ABHD5: variants seen among roughly 807,000 people sequenced by gnomAD.
The protein encoded by ABHD5 is 1-acylglycerol-3-phosphate O-acyltransferase ABHD5.
In ABHD5, 30 loss-of-function variants were observed where a neutral mutation model predicts 44.9. The observed-to-expected ratio is 0.67, with a 90% CI of 0.50 to 0.91. ABHD5 has a LOEUF of 0.91. ABHD5 is among the 40% of genes least tolerant of loss of function. ABHD5 has a pLI of 0.00. For synonymous variants in ABHD5, 167 were observed against 147.0 expected, an observed-to-expected ratio of 1.14 and a Z score of -0.99; for missense variants, 399 against 423.4, an observed-to-expected ratio of 0.94 and a Z score of 0.50.
At chr3:43,702,689 A>T (rs1171082456) in intron 3 of ABHD5, 102 bp downstream of exon 3, 3 of 1,570,344 alleles carry the variant, frequency 1.9e-6, no homozygotes, top group Non-Finnish European at 2.6e-6. Context: ...CACAAGGCAG[A>T]CATTCTCTTA....
downstream of ABHD5, among the ~76,000 whole-genome samples, chr3:43,727,709 A>G (rs2084887082): frequency 6.6e-6 from 1 of 152,188 alleles, no homozygotes; most frequent in Non-Finnish European, 1.5e-5. Context: ...CCCGGGTTCA[A>G]GCAGTTCTCC....
chr3:43,720,486 G>A lies in ABHD5; in HGVS notation c.*1954G>A, dbSNP rs1408974136. The A allele has an allele frequency of 4.6e-5, 7 of 152,178 alleles. No homozygotes were observed. Among genetic ancestry groups the A allele is most frequent in the Admixed American group, 4.6e-4 (7 of 15,266 alleles). The allele number at this position is 152,178 out of a possible 1,614,324, so 9.4% of individuals were successfully genotyped here. On this transcript the variant is annotated 3_prime_UTR_variant, in exon 7 of 7. Transcript: ENST00000644371. ...ACTGAATTTGCTTTATTTGAAAGAT[G>A]TTGTAACTCTTTTTAAAGTTAGATT...
chr3:43,698,248 C>G (rs1575599594), intron 1 of ABHD5, among the ~76,000 whole-genome samples: 3 of 152,150 alleles, frequency 2.0e-5, no homozygotes, highest in Admixed American at 2.0e-4. Flanking sequence ...CAAATCCAAC[C>G]TGTTTTCCTT....
At chr3:43,733,154 C>T (rs1007009176) in intron 7 of ABHD5, among the ~76,000 whole-genome samples, 3 of 152,214 alleles carry the variant, frequency 2.0e-5, no homozygotes, top group Non-Finnish European at 4.4e-5. Flanking sequence ...GTTTCATCCA[C>T]ACTCAGGAGC....
rs1176576364 is a variant in ABHD5, at chr3:43,702,311, C to A, written c.230C>A (p.Pro77Gln). ...KFSHNISNKT[P>Q]LVLLHGFGGG... ...TCTCATAATATTTCAAATAAGACTCCACTTGTCCTTCTCCATGGTTTTGGA... is the reference window on the plus strand; with the variant it reads ...TCTCATAATATTTCAAATAAGACTCAACTTGTCCTTCTCCATGGTTTTGGA... The change falls in exon 3 of 7, where the codon CCA (proline) becomes CAA (glutamine). Residue 77 changes from proline (P) to glutamine (Q), a missense_variant. Pro to Gln is a moderately conservative substitution (Grantham distance 76). Coordinates refer to ENST00000644371, the MANE Select transcript of ABHD5 (RefSeq NM_016006.6). The A allele has an allele frequency of 6.2e-7, 1 of 1,610,666 alleles. No homozygotes were observed.
At position 43,699,270 on chromosome 3, in the gene ABHD5, C is replaced by T. The variant is rs1490341068; in HGVS notation, c.48-6C>T. The stretch of plus-strand genomic sequence containing the variant: ...CCTATTTGTTATTTTGTTTTTGGTG[C>T]TCTAGGTCAGGATGGCTAACTGGTT... On this transcript the variant is annotated splice_polypyrimidine_tract_variant and splice_region_variant and intron_variant, in intron 1 of 6. Transcript: ENST00000644371. 3.1e-6 allele frequency: 5 copies of T among 1,612,974 alleles called. No homozygotes were observed. The highest frequency in any genetic ancestry group is 4.2e-6 in the Non-Finnish European group (5 of 1,179,078).
chr3:43,700,750 T>TTTTTTTTTTTTTTTTTTTTTTTTTTTTC (rs1417384519), intron 2 of ABHD5, among the ~76,000 whole-genome samples: 3 of 152,146 alleles, frequency 2.0e-5, no homozygotes, highest in South Asian at 4.2e-4. Flanking sequence ...ATTTTTGTAT[T>TTTTTTTTTTTTTTTTTTTTTTTTTTTTC]TTTAGTAGAG....
intron 7 of ABHD5, among the ~76,000 whole-genome samples, chr3:43,733,214 C>T (rs1226018735): frequency 6.6e-6 from 1 of 152,150 alleles, no homozygotes; most frequent in Non-Finnish European, 1.5e-5. Context: ...TCCCTGGGGG[C>T]TGTCTTAGAG....
chr3:43,728,884 G>C (rs1294320621), intron 7 of ABHD5, among the ~76,000 whole-genome samples: 2 of 152,194 alleles, frequency 1.3e-5, no homozygotes, highest in African/African-American at 4.8e-5. Flanking sequence ...CCCTCCCTCA[G>C]CATTTAAGCA....
intron 3 of ABHD5, among the ~76,000 whole-genome samples, chr3:43,710,715 G>A (rs531235903): frequency 1.2e-3 from 179 of 152,298 alleles, no homozygotes; most frequent in Non-Finnish European, 2.0e-3. Flanking sequence ...TTACCTTTCT[G>A]TTTCAGTTAT....
chr3:43,698,078 A>G (rs2084494948), intron 1 of ABHD5, among the ~76,000 whole-genome samples: 1 of 152,230 alleles, frequency 6.6e-6, no homozygotes, highest in African/African-American at 2.4e-5. Flanking sequence ...TGAACCTACA[A>G]AGGTAAGAAA....
At chr3:43,701,334 G>T (rs1402507246) in intron 2 of ABHD5, among the ~76,000 whole-genome samples, 1 of 152,178 alleles carries the variant, frequency 6.6e-6, no homozygotes, top group Non-Finnish European at 1.5e-5. Context: ...CCACTATGTG[G>T]ATACAAAACA....
Position 43,727,829 on chromosome 3 carries a change from G to A in ABHD5, c.*30-6051G>A, listed in dbSNP as rs533202196. 2.6e-3 allele frequency among the ~76,000 whole-genome samples: 403 copies of A among 152,236 alleles called. 2 individuals carry two copies. The highest frequency in any genetic ancestry group is 9.3e-3 in the African/African-American group (385 of 41,534). On this transcript the variant is annotated intron_variant, in intron 7 of 7. Coordinates refer to the ABHD5 transcript ENST00000454293. The stretch of plus-strand genomic sequence containing the variant: ...TTGCCATGTTGATCAGGCTGGTCTT[G>A]AACTCCTGACCTCAGGTAATCAGCC...
intron 1 of ABHD5, among the ~76,000 whole-genome samples, chr3:43,697,351 A>G (rs532009097): frequency 2.0e-4 from 30 of 152,038 alleles, no homozygotes; most frequent in Non-Finnish European, 3.4e-4. Flanking sequence ...AATTTTTTTT[A>G]ATTGACCTCT....
chr3:43,691,304 C>A, intron 1 of ABHD5: 1 of 322,992 alleles, frequency 3.1e-6, no homozygotes, highest in Admixed American at 4.9e-5. Context: ...TGACCCCGCG[C>A]GGAGGGTCCG....
rs2084798711 is a variant in ABHD5, at chr3:43,718,648, A to G, written c.*116A>G. On this transcript the variant is annotated 3_prime_UTR_variant, in exon 7 of 7. Coordinates refer to ENST00000644371, the MANE Select transcript of ABHD5 (RefSeq NM_016006.6). The stretch of plus-strand genomic sequence containing the variant: ...ACACAACCAGGCAGCCTTCTTGACT[A>G]TACTTTGCACATGTTTTCTTTAGGA... 4 of 985,840 alleles carry G rather than the reference A, an allele frequency of 4.1e-6. No individual in the cohort carries two copies. Among genetic ancestry groups the G allele is most frequent in the East Asian group, 2.5e-5 (1 of 39,914 alleles). 61.1% of individuals were successfully genotyped at this position (985,840 alleles called of 1,614,324 possible).
At chr3:43,714,102 T>TTTTTC (rs1465089133) in intron 4 of ABHD5, among the ~76,000 whole-genome samples, 3 of 151,846 alleles carry the variant, frequency 2.0e-5, no homozygotes, top group Non-Finnish European at 4.4e-5. Context: ...TGCCCTGGGC[T>TTTTTC]TTTTCTTTTC....
intron 3 of ABHD5, among the ~76,000 whole-genome samples, chr3:43,706,877 G>C (rs1327456688): frequency 2.0e-5 from 3 of 152,146 alleles, no homozygotes; most frequent in African/African-American, 7.2e-5. Context: ...AAACAACGTT[G>C]TTTTATTTGT....
At chr3:43,728,135 C>G (rs892500859) in intron 7 of ABHD5, among the ~76,000 whole-genome samples, 1 of 152,182 alleles carries the variant, frequency 6.6e-6, no homozygotes, top group Non-Finnish European at 1.5e-5. Flanking sequence ...GGACTCGGTC[C>G]TCTCTGGGAT....
Sources: gnomAD v4.1 joint callset for allele counts (sites outside exome capture counted in the v4.1 genomes callset) on GRCh38, gnomAD v4.1.1 for gene constraint, MANE v1.5 for transcripts, NCBI Gene and HGNC (gene_info 2026-07-23, HGNC 2026-07-21) for gene names.